PCDHGA9: variants seen among roughly 807,000 people sequenced by gnomAD.
The protein encoded by PCDHGA9 is protocadherin gamma-A9.
Under a neutral mutation model 62.5 loss-of-function variants are expected in PCDHGA9, and 37 were observed. The ratio of observed to expected loss-of-function variants is 0.59; its 90% CI spans 0.46 to 0.78. PCDHGA9 has a LOEUF of 0.78. Ranked by LOEUF, PCDHGA9 falls within the 30% of genes least tolerant of loss-of-function variation. PCDHGA9 has a pLI of 0.00. For synonymous variants in PCDHGA9, 459 were observed against 484.6 expected (o/e 0.95, Z 0.69); for missense variants, 1,138 against 1,166.2 (o/e 0.98, Z 0.35).
In PCDHGA9 at chr5:141,403,300, G is replaced by C. The variant is rs1469024873; in HGVS notation, c.348G>C (p.Leu116=). 4 of 1,613,892 alleles carry C rather than the reference G, an allele frequency of 2.5e-6. No homozygotes were observed. The highest frequency in any genetic ancestry group is 3.4e-6 in the Non-Finnish European group (4 of 1,179,908). Residue 116 remains leucine, a synonymous_variant, in exon 1 of 4, where the codon CTG becomes CTC. Transcript: ENST00000573521. ...TCCTGGTTGAAGACAGAGTGAAACT[G>C]TACGGAATAGAAATAGAAGTAACTG... is the stretch of plus-strand genomic sequence containing the variant. ...FKVLVEDRVK[L]YGIEIEVTDI...
intron 1 of PCDHGA9, among the ~76,000 whole-genome samples, chr5:141,453,710 A>C (rs988115758): frequency 3.9e-5 from 6 of 152,242 alleles, no homozygotes; most frequent in African/African-American, 1.4e-4. Context: ...GAACAGTTTC[A>C]CTATAAAAAT....
At chr5:141,415,183 G>A (rs201831693) in intron 1 of PCDHGA9, 913 of 1,613,968 alleles carry the variant, frequency 5.7e-4, no homozygotes, top group Non-Finnish European at 5.1e-4. Flanking sequence ...GGCCGTGGCC[G>A]ACAGCATCCC....
intron 1 of PCDHGA9, chr5:141,408,971 C>A: frequency 6.2e-7 from 1 of 1,613,816 alleles, no homozygotes; most frequent in Non-Finnish European, 8.5e-7. Context: ...AAATCTGCCC[C>A]CTGGGTCCCC....
chr5:141,486,832 A>G lies in PCDHGA9; in HGVS notation c.2425-7975A>G. 2.5e-6 allele frequency: 4 copies of G among 1,614,182 alleles called. No individual in the cohort carries two copies. Among genetic ancestry groups the G allele is most frequent in the South Asian group, 1.1e-5 (1 of 91,082 alleles). ...TTAGCAGCACTGTAACAGTTCGTCT[A>G]TTTGTGCTGGACCTCAATGACAATG... On this transcript the variant is annotated intron_variant, in intron 1 of 3. Transcript: ENST00000573521. The surrounding 1 kb of genome is among the most constrained non-coding windows in gnomAD (Gnocchi z 5.0).
intron 1 of PCDHGA9, chr5:141,423,007 G>A: frequency 6.2e-7 from 1 of 1,614,242 alleles, no homozygotes; most frequent in Non-Finnish European, 8.5e-7. Flanking sequence ...CAAGGTGGTT[G>A]CGGTGGACAA....
chr5:141,494,021 G>C (rs1036188621), intron 1 of PCDHGA9, among the ~76,000 whole-genome samples: 2 of 152,158 alleles, frequency 1.3e-5, no homozygotes, highest in African/African-American at 2.4e-5. Context: ...CCCCTTGGGA[G>C]CCCTGGAGAC....
intron 1 of PCDHGA9, among the ~76,000 whole-genome samples, chr5:141,451,134 T>C (rs567790185): frequency 9.9e-5 from 15 of 152,254 alleles, no homozygotes; most frequent in African/African-American, 3.6e-4. Context: ...AGCCTTATGA[T>C]TGTATTTAGA....
At position 141,493,774 on chromosome 5, in the gene PCDHGA9, C is replaced by T. The variant is rs2099749996; in HGVS notation, c.2425-1033C>T. On this transcript the variant is annotated intron_variant, in intron 1 of 3. Coordinates refer to ENST00000573521, the MANE Select transcript of PCDHGA9 (RefSeq NM_018921.3). The surrounding 1 kb of genome is among the most constrained non-coding windows in gnomAD (Gnocchi z 4.3). ...GCCTTGAGTGAGCCACTGGCAGTTC[C>T]GGAGCTTCCTTCTCCCTGGAGTAAT... Among the ~76,000 whole-genome samples, 1 of 152,258 alleles carries T rather than the reference C, an allele frequency of 6.6e-6. No homozygotes were observed. The highest frequency in any genetic ancestry group is 1.9e-4 in the East Asian group (1 of 5,176).
At chr5:141,423,354 C>A in intron 1 of PCDHGA9, 1 of 1,614,202 alleles carries the variant, frequency 6.2e-7, no homozygotes. Context: ...TGGTCTTTGT[C>A]ATCGTGCTGC....
At position 141,489,298 on chromosome 5, in the gene PCDHGA9, T is replaced by C; in HGVS notation, c.2425-5509T>C. On this transcript the variant is annotated intron_variant, in intron 1 of 3. Transcript: ENST00000573521. This position sits in a 1 kb window ranked among gnomAD's most constrained non-coding sequence, Gnocchi z 4.5. ...GAAATGGCAAGTGCTGTGCATGTTG[T>C]CCTTGTGCTGCTGGGGCTGGGTGTC... The C allele has an allele frequency of 6.3e-7, 1 of 1,584,418 alleles. No individual in the cohort carries two copies. The highest frequency in any genetic ancestry group is 8.6e-7 in the Non-Finnish European group (1 of 1,165,192).
At position 141,431,416 on chromosome 5, in the gene PCDHGA9, C is replaced by T. The variant is rs778722151; in HGVS notation, c.2424+26040C>T. Reference sequence around the variant, plus strand: ...TCCTTACGGCCTCCGACGGGGGCGACCCGGTGCGCACAGGCACCGCGCGCA... The same window carrying T: ...TCCTTACGGCCTCCGACGGGGGCGATCCGGTGCGCACAGGCACCGCGCGCA... On this transcript the variant is annotated intron_variant, in intron 1 of 3. Transcript: ENST00000573521. This position sits in a 1 kb window ranked among gnomAD's most constrained non-coding sequence, Gnocchi z 4.8. 2.5e-6 allele frequency: 4 copies of T among 1,613,714 alleles called. No homozygotes were observed. Among genetic ancestry groups the T allele is most frequent in the Admixed American group, 1.7e-5 (1 of 60,028 alleles).
intron 1 of PCDHGA9, among the ~76,000 whole-genome samples, chr5:141,458,512 TG>T (rs995261761): frequency 1.3e-5 from 2 of 150,194 alleles, no homozygotes; most frequent in East Asian, 1.9e-4. Flanking sequence ...TTTGACACTT[TG>T]TTTTTTTTTT....
intron 2 of PCDHGA9, among the ~76,000 whole-genome samples, chr5:141,495,279 G>C (rs72790069): frequency 0.027 from 4,092 of 152,256 alleles, 88 homozygotes; most frequent in Middle Eastern, 0.048. Flanking sequence ...CGGAGGAGGC[G>C]GTCCGCACTC....
At chr5:141,474,041 GC>G (rs1242668125) in intron 1 of PCDHGA9, among the ~76,000 whole-genome samples, 3 of 152,140 alleles carry the variant, frequency 2.0e-5, no homozygotes. Context: ...CTGTACTCCA[GC>G]CTGGATGACA....
chr5:141,509,081 A>T (rs1279221589), intron 3 of PCDHGA9, among the ~76,000 whole-genome samples: 1 of 152,160 alleles, frequency 6.6e-6, no homozygotes, highest in Non-Finnish European at 1.5e-5. Context: ...GATTTGCGAC[A>T]TGAAATGGGG....
At chr5:141,419,991 T>C (rs1192003266) in intron 1 of PCDHGA9, 1 of 1,614,078 alleles carries the variant, frequency 6.2e-7, no homozygotes. Context: ...ATTCTAGCTA[T>C]TGCTCTACGC....
At chr5:141,415,810 T>TATATATC in intron 1 of PCDHGA9, 1 of 1,360,418 alleles carries the variant, frequency 7.4e-7, no homozygotes, top group Non-Finnish European at 9.5e-7. Flanking sequence ...AATCAAGGCC[T>TATATATC]ATATATCATA....
intron 1 of PCDHGA9, chr5:141,411,189 T>G (rs1222862554): frequency 6.6e-6 from 1 of 152,208 alleles, no homozygotes; most frequent in Non-Finnish European, 1.5e-5. Context: ...TCTTGGCATC[T>G]AAGAAAACAA....
chr5:141,403,595 T>G lies in PCDHGA9; in HGVS notation c.643T>G (p.Ser215Ala), dbSNP rs2094430008. ...ATAHHLVLTA[S>A]DGGEPRRSST... ...TGCCCACCACCTGGTCCTCACGGCC[T>G]CGGATGGCGGCGAGCCGCGTCGCTC... Residue 215 changes from serine to alanine, a missense_variant, in exon 1 of 4, where the codon TCG becomes GCG. Physicochemically the swap from Ser to Ala is moderately conservative, Grantham distance 99 (BLOSUM62 1). Transcript: ENST00000573521. The G allele has an allele frequency of 6.2e-7, 1 of 1,613,824 alleles. No individual in the cohort carries two copies. The highest frequency in any genetic ancestry group is 2.2e-5 in the East Asian group (1 of 44,846).
Sources: allele counts gnomAD v4.1 joint callset (sites outside exome capture counted in the v4.1 genomes callset), GRCh38; gene constraint gnomAD v4.1.1; non-coding constraint Gnocchi (gnomAD v3.1); transcripts MANE v1.5; gene names NCBI Gene and HGNC (gene_info 2026-07-23, HGNC 2026-07-21).